Variants in PCDHA1 observed in about 807,000 individuals in gnomAD.
PCDHA1 encodes protocadherin alpha 1, also known as protocadherin alpha-1.
PCDHA1 carries 42 observed loss-of-function variants against 61.3 expected under a neutral mutation model. The ratio of observed to expected loss-of-function variants is 0.69; its 90% confidence interval spans 0.54 to 0.89. The LOEUF (loss-of-function observed/expected upper bound fraction) is 0.89, where lower values mean the gene tolerates loss of function less well. PCDHA1 is among the 40% of genes least tolerant of loss of function. PCDHA1 has a pLI of 0.00. For synonymous variants in PCDHA1, 610 were observed against 553.8 expected, an observed-to-expected ratio of 1.10 and a Z score of -1.43; for missense variants, 1,256 against 1,235.3, an observed-to-expected ratio of 1.02 and a Z score of -0.25.
chr5:140,870,229 C>G, intron 1 of PCDHA1: 3 of 1,614,164 alleles, frequency 1.9e-6, no homozygotes, highest in Non-Finnish European at 2.5e-6. Flanking sequence ...CGTGTCTGAC[C>G]GTGACTCAGG....
intron 1 of PCDHA1, chr5:140,835,748 C>T (rs2150243952): frequency 2.5e-6 from 4 of 1,613,326 alleles, no homozygotes; most frequent in African/African-American, 1.3e-5. Context: ...CCCCGGCGTT[C>T]GCGCAGCCCG....
rs2150486791 is a variant in PCDHA1 at position 140,850,510 on chromosome 5, G to C, written c.2394+61826G>C. The C allele has an allele frequency of 3.8e-6, 6 of 1,598,136 alleles. No homozygotes were observed. In the African/African-American group the frequency reaches 4.0e-5, roughly 11 times the overall value. On this transcript the variant is annotated intron_variant, in intron 1 of 3. Coordinates refer to ENST00000504120, the MANE Select transcript of PCDHA1 (RefSeq NM_018900.4). ...ACTGTGCTGGTGTCGCTGGTGGAGA[G>C]CGGCCAGGCGCCAAAGTCATCGTCG...
chr5:140,829,838 C>G, intron 1 of PCDHA1: 2 of 1,613,924 alleles, frequency 1.2e-6, no homozygotes, highest in Non-Finnish European at 8.5e-7. Context: ...GCTGGTGCCG[C>G]GGTCACTGGG....
intron 1 of PCDHA1, chr5:140,807,348 T>C (rs1763896011): frequency 6.2e-7 from 1 of 1,612,548 alleles, no homozygotes; most frequent in Admixed American, 1.7e-5. Context: ...GACCTGGGAC[T>C]GGAGCTGGCG....
chr5:140,870,055 G>A (rs868919509), intron 1 of PCDHA1: 6 of 1,613,774 alleles, frequency 3.7e-6, no homozygotes, highest in Non-Finnish European at 5.1e-6. Context: ...TTATAAAATT[G>A]AAGTACAGGC....
intron 1 of PCDHA1, chr5:140,823,050 C>G: frequency 6.2e-7 from 1 of 1,614,184 alleles, no homozygotes; most frequent in Non-Finnish European, 8.5e-7. Context: ...TGGTGGTGAC[C>G]GCGCGGGACG....
intron 1 of PCDHA1, chr5:140,868,028 G>A (rs1380913243): frequency 2.0e-5 from 3 of 152,006 alleles, no homozygotes; most frequent in Non-Finnish European, 4.4e-5. Flanking sequence ...ACCAATGTTG[G>A]TGACTTGGAA....
chr5:140,991,139 G>GT (rs1563571112), intron 3 of PCDHA1, among the ~76,000 whole-genome samples: 3 of 152,126 alleles, frequency 2.0e-5, no homozygotes, highest in Non-Finnish European at 4.4e-5. Flanking sequence ...TAGTAAAAAT[G>GT]TTTTTTGCTC....
intron 3 of PCDHA1, among the ~76,000 whole-genome samples, chr5:140,983,739 G>T (rs983923811): frequency 5.3e-5 from 8 of 152,194 alleles, no homozygotes; most frequent in African/African-American, 1.9e-4. Context: ...TGGCTGGCTT[G>T]CAATAATCCA....
chr5:140,937,151 C>T (rs1170352289), intron 1 of PCDHA1, among the ~76,000 whole-genome samples: 1 of 151,572 alleles, frequency 6.6e-6, no homozygotes, highest in African/African-American at 2.4e-5. Context: ...CATTCTCCTG[C>T]CTCAGCCTCC....
chr5:140,876,783 C>G (rs1554168916), intron 1 of PCDHA1: 2 of 1,614,196 alleles, frequency 1.2e-6, no homozygotes, highest in Admixed American at 1.7e-5. Flanking sequence ...CGCTGTGGGC[C>G]ACGGCTAGAG....
intron 1 of PCDHA1, among the ~76,000 whole-genome samples, chr5:140,953,932 C>G (rs1005245846): frequency 1.2e-4 from 19 of 152,060 alleles, no homozygotes; most frequent in Non-Finnish European, 5.9e-5. Flanking sequence ...CTGATGCTCT[C>G]CCTCCCATTG....
intron 1 of PCDHA1, among the ~76,000 whole-genome samples, chr5:140,895,206 A>G (rs948962776): frequency 6.6e-6 from 1 of 151,808 alleles, no homozygotes; most frequent in Non-Finnish European, 1.5e-5. Flanking sequence ...ATTTGCTTTT[A>G]TTTCTAATAT....
At chr5:140,806,504 C>T (rs1297737368) in intron 1 of PCDHA1, among the ~76,000 whole-genome samples, 2 of 152,204 alleles carry the variant, frequency 1.3e-5, no homozygotes, top group Admixed American at 1.3e-4. Flanking sequence ...TCAAGGAAGA[C>T]ATCTAATTAA....
intron 1 of PCDHA1, chr5:140,823,187 G>A: frequency 6.2e-7 from 1 of 1,613,888 alleles, no homozygotes; most frequent in Non-Finnish European, 8.5e-7. Flanking sequence ...CCGCCAGGCT[G>A]CCACATCTTC....
intron 1 of PCDHA1, among the ~76,000 whole-genome samples, chr5:140,925,841 C>CT (rs1451775258): frequency 1.3e-5 from 2 of 152,066 alleles, no homozygotes; most frequent in African/African-American, 4.8e-5. Flanking sequence ...GTCGTCAAGT[C>CT]TTTGAGTTTC....
At chr5:141,001,872 CAAG>C (rs1329160545) in intron 3 of PCDHA1, among the ~76,000 whole-genome samples, 1 of 152,126 alleles carries the variant, frequency 6.6e-6, no homozygotes, top group African/African-American at 2.4e-5. Flanking sequence ...TGCCCAAAAC[CAAG>C]AAGGAGCAAA....
chr5:140,981,670 C>T (rs1389601276), intron 2 of PCDHA1, among the ~76,000 whole-genome samples: 8 of 152,070 alleles, frequency 5.3e-5, no homozygotes, highest in Non-Finnish European at 1.0e-4. Context: ...TCCTTCCTTT[C>T]TTCCTTCCTC....
intron 1 of PCDHA1, among the ~76,000 whole-genome samples, chr5:140,897,778 T>C (rs1402383058): frequency 2.0e-5 from 3 of 152,208 alleles, no homozygotes; most frequent in Non-Finnish European, 2.9e-5. Context: ...ACTTCCACAA[T>C]GGTTGAACTA....
Sources: gnomAD v4.1 joint callset for allele counts (sites outside exome capture counted in the v4.1 genomes callset) on GRCh38, gnomAD v4.1.1 for gene constraint, MANE v1.5 for transcripts, NCBI Gene and HGNC (gene_info 2026-07-23, HGNC 2026-07-21) for gene names.